The following SGCZ variants were observed in gnomAD, a reference collection of about 807,000 sequenced individuals.
SGCZ encodes the protein sarcoglycan zeta.
Under a neutral mutation model 41.3 loss-of-function variants are expected in SGCZ, and 40 were observed. The observed-to-expected ratio is 0.97, with a 90% CI of 0.75 to 1.26. The LOEUF (loss-of-function observed/expected upper bound fraction) is 1.26. Ranked by LOEUF, SGCZ falls within the 50% of genes most tolerant of loss-of-function variation. The pLI, the probability that SGCZ is intolerant of heterozygous loss-of-function variation, is 0.00. For synonymous variants in SGCZ, 206 were observed against 137.5 expected (o/e 1.50, Z -3.49); for missense variants, 552 against 369.8 (o/e 1.49, Z -4.04).
Position 14,102,499 on chromosome 8 carries a change from C to A in SGCZ, c.621G>T (p.Arg207Ser). ...TCAAGGATCTGGTGGGTGATTCAAG[C>A]CTAAGGGAAAAACAAAAAATCATTA... ...HIRAEPSQDL[R>S]LESPTRSLIM... The change falls in exon 7 of 8, where the codon AGG (arginine) becomes AGT (serine). Residue 207 changes from arginine (R) to serine (S), a missense_variant and splice_region_variant. Physicochemically the swap from Arg to Ser is moderately radical, Grantham distance 110. Transcript: ENST00000382080. 2 of 1,393,288 alleles carry A rather than the reference C, an allele frequency of 1.4e-6. No homozygotes were observed. The highest frequency in any genetic ancestry group is 1.9e-6 in the Non-Finnish European group (2 of 1,060,008). The allele number at this position is 1,393,288 out of a possible 1,614,324, so 86.3% of individuals were successfully genotyped here.
intron 3 of SGCZ, among the ~76,000 whole-genome samples, chr8:14,262,020 A>G (rs1439730352): frequency 6.6e-6 from 1 of 152,182 alleles, no homozygotes; most frequent in African/African-American, 2.4e-5. Flanking sequence ...TTTAAGCACG[A>G]CAAAATAGGC....
chr8:15,096,366 G>A (rs1215077914), intron 1 of SGCZ, among the ~76,000 whole-genome samples: 2 of 152,038 alleles, frequency 1.3e-5, no homozygotes, highest in Non-Finnish European at 2.9e-5. Flanking sequence ...GAGATGATAG[G>A]AATGATCCAC....
At chr8:14,793,325 C>T (rs530647072) in intron 1 of SGCZ, among the ~76,000 whole-genome samples, 1 of 152,290 alleles carries the variant, frequency 6.6e-6, no homozygotes, top group African/African-American at 2.4e-5. Flanking sequence ...ATCCAATTTT[C>T]ACATCATGAT....
At chr8:14,626,018 C>T (rs1382451413) in intron 1 of SGCZ, among the ~76,000 whole-genome samples, 1 of 152,148 alleles carries the variant, frequency 6.6e-6, no homozygotes, top group East Asian at 1.9e-4. Context: ...CGCATACTGT[C>T]GCTAGGGCAG....
At chr8:15,124,059 A>T (rs1463987718) in intron 1 of SGCZ, among the ~76,000 whole-genome samples, 1 of 152,176 alleles carries the variant, frequency 6.6e-6, no homozygotes, top group Non-Finnish European at 1.5e-5. Flanking sequence ...CCATTATCAG[A>T]TTTAAGTATG....
At chr8:14,771,498 G>T (rs1800237496) in intron 1 of SGCZ, among the ~76,000 whole-genome samples, 1 of 151,938 alleles carries the variant, frequency 6.6e-6, no homozygotes, top group Admixed American at 6.6e-5. Context: ...CAGTTTTTCA[G>T]TTTTCCATAT....
intron 1 of SGCZ, among the ~76,000 whole-genome samples, chr8:15,005,431 G>T (rs566181378): frequency 6.7e-6 from 1 of 148,508 alleles, no homozygotes; most frequent in African/African-American, 2.5e-5. Flanking sequence ...TCCTGGGTTC[G>T]AGCGATTCTC....
chr8:15,191,199 C>T (rs1243123747), intron 1 of SGCZ, among the ~76,000 whole-genome samples: 2 of 152,062 alleles, frequency 1.3e-5, no homozygotes, highest in African/African-American at 4.8e-5. Context: ...TAATTTTCAA[C>T]TAATAAATCA....
At chr8:14,113,256 C>G (rs1259577574) in intron 5 of SGCZ, among the ~76,000 whole-genome samples, 1 of 152,104 alleles carries the variant, frequency 6.6e-6, no homozygotes, top group East Asian at 1.9e-4. Flanking sequence ...TTTTCTTCCA[C>G]TTACGTATAA....
chr8:14,443,293 A>T (rs1466290632), intron 2 of SGCZ, among the ~76,000 whole-genome samples: 1 of 152,156 alleles, frequency 6.6e-6, no homozygotes, highest in African/African-American at 2.4e-5. Context: ...CTTTCTTCAC[A>T]GAATTGGAAA....
intron 1 of SGCZ, among the ~76,000 whole-genome samples, chr8:15,220,334 T>C (rs894399775): frequency 6.6e-6 from 1 of 152,126 alleles, no homozygotes; most frequent in African/African-American, 2.4e-5. Context: ...AGTGTAAGAA[T>C]CAGAGACATA....
intron 2 of SGCZ, among the ~76,000 whole-genome samples, chr8:14,408,984 T>TGTGTGCATGTGTGC (rs1554513923): frequency 0.033 from 4,978 of 150,856 alleles, 124 homozygotes; most frequent in Admixed American, 0.092. Context: ...TGTGTGCGTG[T>TGTGTGCATGTGTGC]GTGTGTGTGT....
intron 4 of SGCZ, among the ~76,000 whole-genome samples, chr8:14,171,088 T>G (rs2116999831): frequency 6.6e-6 from 1 of 151,082 alleles, no homozygotes; most frequent in Admixed American, 6.6e-5. Context: ...TTCTTGAAAA[T>G]ATTTTACTAA....
intron 3 of SGCZ, among the ~76,000 whole-genome samples, chr8:14,280,688 A>T (rs1800395711): frequency 2.0e-5 from 3 of 151,968 alleles, no homozygotes; most frequent in Admixed American, 2.0e-4. Context: ...TCTTGTGGTG[A>T]GAAAAATAAT....
At chr8:14,372,018 G>T (rs866893253) in intron 2 of SGCZ, among the ~76,000 whole-genome samples, 21 of 151,944 alleles carry the variant, frequency 1.4e-4, no homozygotes, top group African/African-American at 3.6e-4. Flanking sequence ...ATGCCATGAA[G>T]ATTCAAAGAA....
intron 1 of SGCZ, among the ~76,000 whole-genome samples, chr8:15,087,514 G>C (rs1003693351): frequency 2.6e-5 from 4 of 151,994 alleles, no homozygotes; most frequent in African/African-American, 4.8e-5. Context: ...ATGCATTTCT[G>C]CCAATAGACA....
intron 4 of SGCZ, among the ~76,000 whole-genome samples, chr8:14,193,590 G>A (rs1805174456): frequency 6.6e-6 from 1 of 151,854 alleles, no homozygotes; most frequent in Non-Finnish European, 1.5e-5. Context: ...ATTTAATTTT[G>A]CACATTAAAA....
At chr8:14,551,517 TATATATAATATATATA>T (rs1803834942) in intron 2 of SGCZ, among the ~76,000 whole-genome samples, 1 of 6,848 alleles carries the variant, frequency 1.5e-4, no homozygotes, top group Non-Finnish European at 2.1e-4. Context: ...TTATATATAT[TATATATAATATATATA>T]ATATATATAA....
At chr8:14,438,871 C>A (rs777505180) in intron 2 of SGCZ, among the ~76,000 whole-genome samples, 68 of 151,982 alleles carry the variant, frequency 4.5e-4, no homozygotes, top group Admixed American at 1.1e-3. Context: ...AGGAAAATAA[C>A]ATTCTTTTAA....
Sources: allele counts gnomAD v4.1 joint callset (sites outside exome capture counted in the v4.1 genomes callset), GRCh38; gene constraint gnomAD v4.1.1; transcripts MANE v1.5; gene names NCBI Gene and HGNC (gene_info 2026-07-23, HGNC 2026-07-21).